The following RIC1 variants were observed in gnomAD, a reference collection of about 807,000 sequenced individuals.
The protein encoded by RIC1 is RIC1 partner of RAB6A GEF complex.
In RIC1, 88 loss-of-function variants were observed where a neutral mutation model predicts 169.0. The ratio of observed to expected loss-of-function variants is 0.52; its 90% CI spans 0.44 to 0.62. The LOEUF (loss-of-function observed/expected upper bound fraction) is 0.62, where lower values mean the gene tolerates loss of function less well. Among genes scored for constraint, RIC1 ranks in the 20% least tolerant of loss-of-function variants. The pLI is 0.00. For synonymous variants in RIC1, 790 were observed against 601.5 expected (o/e 1.31, Z -4.59); for missense variants, 1,877 against 1,725.5 (o/e 1.09, Z -1.56).
At chr9:5,733,929 G>C (rs980745385) in intron 7 of RIC1, among the ~76,000 whole-genome samples, 1 of 150,882 alleles carries the variant, frequency 6.6e-6, no homozygotes, top group Non-Finnish European at 1.5e-5. Flanking sequence ...ATGTTTGGTA[G>C]AATTTGCCAA....
intron 4 of RIC1, among the ~76,000 whole-genome samples, chr9:5,718,139 C>CAAAAAAAAAAAAAA (rs35477806): frequency 3.6e-5 from 1 of 28,082 alleles, no homozygotes; most frequent in Non-Finnish European, 6.8e-5. Flanking sequence ...GACTCCGTCT[C>CAAAAAAAAAAAAAA]AAAAAAAAAA....
chr9:5,647,791 G>A (rs1293866174), intron 1 of RIC1, among the ~76,000 whole-genome samples: 3 of 152,176 alleles, frequency 2.0e-5, no homozygotes, highest in African/African-American at 7.2e-5. Context: ...TTGAATGGAA[G>A]TGGTAAGAAT....
At chr9:5,671,701 T>C (rs997472288) in intron 2 of RIC1, among the ~76,000 whole-genome samples, 2 of 152,186 alleles carry the variant, frequency 1.3e-5, no homozygotes, top group African/African-American at 2.4e-5. Flanking sequence ...TCTGAGAAGA[T>C]AGAAGGACTA....
At chr9:5,757,978 A>G (rs1374774062) in intron 17 of RIC1, among the ~76,000 whole-genome samples, 1 of 152,180 alleles carries the variant, frequency 6.6e-6, no homozygotes, top group Non-Finnish European at 1.5e-5. Context: ...TAAGGTAGGT[A>G]TTATTAGATC....
intron 1 of RIC1, among the ~76,000 whole-genome samples, chr9:5,636,905 C>T (rs548585144): frequency 2.0e-4 from 30 of 152,158 alleles, no homozygotes; most frequent in African/African-American, 7.0e-4. Context: ...TTTGTATTAT[C>T]TATAGTGCCT....
chr9:5,702,324 G>C (rs577866849), intron 3 of RIC1, among the ~76,000 whole-genome samples: 1 of 152,144 alleles, frequency 6.6e-6, no homozygotes, highest in South Asian at 2.1e-4. Context: ...ACCTAAGACT[G>C]GGTAATTTAT....
chr9:5,726,875 A>T (rs551347513), intron 6 of RIC1, among the ~76,000 whole-genome samples: 1 of 152,196 alleles, frequency 6.6e-6, no homozygotes, highest in Non-Finnish European at 1.5e-5. Context: ...AATGTTGAAT[A>T]TTGGCCCCCA....
At chr9:5,643,959 A>G (rs1011228306) in intron 1 of RIC1, among the ~76,000 whole-genome samples, 1 of 152,214 alleles carries the variant, frequency 6.6e-6, no homozygotes, top group Non-Finnish European at 1.5e-5. Flanking sequence ...AGTTGCTGTC[A>G]CAAATCTACT....
At chr9:5,682,354 G>T (rs1173987075) in intron 2 of RIC1, among the ~76,000 whole-genome samples, 1 of 152,140 alleles carries the variant, frequency 6.6e-6, no homozygotes, top group Non-Finnish European at 1.5e-5. Context: ...GGCAGGCCTG[G>T]TGGGGACAAA....
chr9:5,724,645 A>C (rs1223628199), intron 6 of RIC1, among the ~76,000 whole-genome samples: 1 of 152,206 alleles, frequency 6.6e-6, no homozygotes, highest in African/African-American at 2.4e-5. Flanking sequence ...GCCAGTTTTC[A>C]AAGGGAATGC....
In RIC1 at chr9:5,774,136, C is replaced by G; in HGVS notation, c.4162C>G (p.Gln1388Glu). The G allele has an allele frequency of 6.2e-7, 1 of 1,614,034 alleles. No homozygotes were observed. The highest frequency in any genetic ancestry group is 1.3e-5 in the African/African-American group (1 of 75,042). The stretch of plus-strand genomic sequence containing the variant: ...CTCCTCCAGCCATGGAAGCATCCCC[C>G]AGGGTGAAGTTGGAAGCAGCAATAT... Reference protein sequence around the residue: ...RGSSSHGSIPQGEVGSSNMVS... With the variant: ...RGSSSHGSIPEGEVGSSNMVS... Residue 1388 changes from glutamine to glutamate, a missense_variant, in exon 26 of 26, where the codon CAG (glutamine) becomes GAG (glutamate). Gln to Glu is a conservative substitution (Grantham distance 29). Coordinates refer to ENST00000414202, the MANE Select transcript of RIC1 (RefSeq NM_020829.4).
intron 3 of RIC1, among the ~76,000 whole-genome samples, chr9:5,710,046 G>C (rs1393132622): frequency 6.6e-6 from 1 of 152,080 alleles, no homozygotes; most frequent in African/African-American, 2.4e-5. Flanking sequence ...TTAAACTAGA[G>C]GTATCTCCAA....
At chr9:5,701,665 C>G (rs185367938) in intron 3 of RIC1, among the ~76,000 whole-genome samples, 6 of 151,550 alleles carry the variant, frequency 4.0e-5, no homozygotes, top group African/African-American at 1.2e-4. Context: ...TATCCATCTT[C>G]CTTACCTTGT....
intron 1 of RIC1, among the ~76,000 whole-genome samples, chr9:5,642,804 C>T (rs114803457): frequency 6.6e-6 from 1 of 152,116 alleles, no homozygotes; most frequent in African/African-American, 2.4e-5. Flanking sequence ...AGGTATTTTA[C>T]ATCATAGTAA....
In RIC1 at chr9:5,772,872, T is replaced by TTG; in HGVS notation, c.3795-18_3795-17dup. Reference sequence around the variant, plus strand: ...TAGATCTTTCTTAGCATAAATCATTTTGTTTCTGCTTATATTTAGGTATTT... The same window carrying TTG: ...TAGATCTTTCTTAGCATAAATCATTTTGTGTTTCTGCTTATATTTAGGTATTT... On this transcript the variant is annotated intron_variant, in intron 24 of 25. Transcript: ENST00000414202. 6.2e-7 allele frequency: 1 copy of TTG among 1,603,494 alleles called. No individual in the cohort carries two copies. The highest frequency in any genetic ancestry group is 8.5e-7 in the Non-Finnish European group (1 of 1,174,272).
Position 5,753,211 on chromosome 9 carries a change from C to A in RIC1, c.1464C>A (p.Thr488=). 1.2e-6 allele frequency: 2 copies of A among 1,613,074 alleles called. No individual in the cohort carries two copies. The highest frequency in any genetic ancestry group is 1.7e-6 in the Non-Finnish European group (2 of 1,179,152). ...RHWHVVQISS[T]YLESNWPIRF... is the part of the protein sequence containing the mutation. The stretch of plus-strand genomic sequence containing the variant: ...GTTATTTTCTATAGATTTCCAGCAC[C>A]TATCTAGAGAGCAATTGGCCTATAC... The change falls in exon 13 of 26, where the codon ACC becomes ACA. Residue 488 remains threonine (T), a synonymous_variant. Coordinates refer to ENST00000414202, the MANE Select transcript of RIC1 (RefSeq NM_020829.4).
Position 5,629,230 on chromosome 9 carries a change from G to T in RIC1, c.-80G>T. 5 of 1,256,516 alleles carry T rather than the reference G, an allele frequency of 4.0e-6. No homozygotes were observed. Among genetic ancestry groups the T allele is most frequent in the Non-Finnish European group, 5.0e-6 (5 of 992,692 alleles). The allele number at this position is 1,256,516 out of a possible 1,614,324, so 77.8% of individuals were successfully genotyped here. ...CGCCGCCGCCGACTCGGCCGGTGGC[G>T]GTGTGGGAGGTGGGCGACCAGCCCG... On this transcript the variant is annotated 5_prime_UTR_variant, in exon 1 of 26. Transcript: ENST00000414202.
chr9:5,754,517 C>A (rs1586694739), intron 14 of RIC1, among the ~76,000 whole-genome samples: 1 of 152,168 alleles, frequency 6.6e-6, no homozygotes, highest in East Asian at 1.9e-4. Context: ...TCACTTGAGG[C>A]TGGGAGTCCA....
At chr9:5,633,637 G>C (rs757008813) in intron 1 of RIC1, among the ~76,000 whole-genome samples, 1 of 151,956 alleles carries the variant, frequency 6.6e-6, no homozygotes, top group Non-Finnish European at 1.5e-5. Flanking sequence ...TGTGCTGTGC[G>C]ATACTTAGAT....
Sources: allele counts gnomAD v4.1 joint callset (sites outside exome capture counted in the v4.1 genomes callset), GRCh38; gene constraint gnomAD v4.1.1; transcripts MANE v1.5; gene names NCBI Gene and HGNC (gene_info 2026-07-23, HGNC 2026-07-21).